The following MAGI3 variants were observed in gnomAD, a reference collection of about 807,000 sequenced individuals.
MAGI3 encodes the protein membrane associated guanylate kinase, WW and PDZ domain containing 3.
Under a neutral mutation model 121.8 loss-of-function variants are expected in MAGI3, and 43 were observed. The ratio of observed to expected loss-of-function variants is 0.35; its 90% confidence interval spans 0.28 to 0.46. MAGI3 has a LOEUF of 0.46. Among genes scored for constraint, MAGI3 ranks in the 20% least tolerant of loss-of-function variants. The probability of loss-of-function intolerance (pLI) is 1.00; values close to 1 mark genes in which losing one functional copy is unlikely to be tolerated. For missense variants in MAGI3, 1,547 were observed against 1,797.3 expected, an observed-to-expected ratio of 0.86 and a Z score of 2.52; for synonymous variants, 553 against 639.3, an observed-to-expected ratio of 0.86 and a Z score of 2.04.
Position 113,682,986 on chromosome 1 carries a change from TTTGAAGAGTCTCACGTGCCAGTAA to T in MAGI3, c.3426_3449del (p.His1144_Ser1151del). ...CCCATCTTCACATTTTGCTTCCATA[TTTGAAGAGTCTCACGTGCCAGTAA>T]TTGAAGAATCTTTGAGAGTTCAGAT... is the stretch of plus-strand genomic sequence containing the variant. On this transcript the variant is annotated inframe_deletion, in exon 21 of 21. Transcript: ENST00000307546. The T allele has an allele frequency of 6.2e-7, 1 of 1,613,928 alleles. No homozygotes were observed. Among genetic ancestry groups the T allele is most frequent in the Non-Finnish European group, 8.5e-7 (1 of 1,179,860 alleles).
intron 1 of MAGI3, among the ~76,000 whole-genome samples, chr1:113,392,931 T>TTCTCC (rs1650905344): frequency 6.6e-6 from 1 of 152,234 alleles, no homozygotes; most frequent in Non-Finnish European, 1.5e-5. Flanking sequence ...CATGAGTTAG[T>TTCTCC]GAATAGTGAG....
At chr1:113,520,412 G>T (rs1464386999) in intron 1 of MAGI3, among the ~76,000 whole-genome samples, 1 of 151,994 alleles carries the variant, frequency 6.6e-6, no homozygotes, top group African/African-American at 2.4e-5. Context: ...AAGATGACAG[G>T]AATGTAAATA....
At chr1:113,681,821 C>T in intron 20 of MAGI3, among the ~76,000 whole-genome samples, 1 of 152,224 alleles carries the variant, frequency 6.6e-6, no homozygotes, top group Admixed American at 6.5e-5. Flanking sequence ...ATCACCCTAC[C>T]TGGAGACAGG....
intron 1 of MAGI3, among the ~76,000 whole-genome samples, chr1:113,457,597 T>C (rs931275760): frequency 3.3e-5 from 5 of 152,086 alleles, no homozygotes; most frequent in Non-Finnish European, 5.9e-5. Flanking sequence ...ACCTTTTAAG[T>C]GCTAGTTCCT....
intron 6 of MAGI3, among the ~76,000 whole-genome samples, chr1:113,601,967 C>G (rs1212318572): frequency 6.6e-6 from 1 of 151,354 alleles, no homozygotes; most frequent in Non-Finnish European, 1.5e-5. Context: ...TAAACTATCG[C>G]AAGAACAAAA....
intron 1 of MAGI3, among the ~76,000 whole-genome samples, chr1:113,398,569 G>A (rs1471209190): frequency 1.3e-5 from 2 of 152,026 alleles, no homozygotes; most frequent in African/African-American, 4.8e-5. Flanking sequence ...GGCTTCAGGG[G>A]AGTTTGTGAG....
intron 8 of MAGI3, among the ~76,000 whole-genome samples, chr1:113,622,317 CTAA>C (rs1650877703): frequency 6.8e-6 from 1 of 146,438 alleles, no homozygotes; most frequent in Non-Finnish European, 1.5e-5. Flanking sequence ...CATCTAACCC[CTAA>C]TAATGGGCAT....
intron 2 of MAGI3, among the ~76,000 whole-genome samples, chr1:113,567,228 G>A (rs1300192019): frequency 1.3e-5 from 2 of 151,722 alleles, no homozygotes; most frequent in African/African-American, 4.8e-5. Flanking sequence ...TACCAAGACT[G>A]AATCATAAAG....
At chr1:113,656,924 A>T (rs1431265639) in intron 15 of MAGI3, among the ~76,000 whole-genome samples, 1 of 152,190 alleles carries the variant, frequency 6.6e-6, no homozygotes, top group Non-Finnish European at 1.5e-5. Flanking sequence ...TCTATTTAAG[A>T]TTAAGAAGAC....
At chr1:113,472,750 GT>G (rs1655604961) in intron 1 of MAGI3, among the ~76,000 whole-genome samples, 1 of 151,696 alleles carries the variant, frequency 6.6e-6, no homozygotes, top group Non-Finnish European at 1.5e-5. Context: ...GTGTGTGTGT[GT>G]GTGTGTGTAT....
chr1:113,638,779 T>C (rs886069547), intron 9 of MAGI3, among the ~76,000 whole-genome samples: 1 of 152,214 alleles, frequency 6.6e-6, no homozygotes, highest in Non-Finnish European at 1.5e-5. Flanking sequence ...GACAGGGACA[T>C]TTAAGTCTGC....
intron 1 of MAGI3, among the ~76,000 whole-genome samples, chr1:113,470,977 CA>C (rs1230699133): frequency 1.3e-4 from 20 of 152,058 alleles, no homozygotes; most frequent in Admixed American, 1.3e-3. Context: ...GCATCATATC[CA>C]AAAAACTCAT....
chr1:113,682,291 TAA>T, intron 20 of MAGI3: 1 of 1,596,470 alleles, frequency 6.3e-7, no homozygotes, highest in South Asian at 1.2e-5. Flanking sequence ...GGTCTTTCCT[TAA>T]AAAGACTTGG....
At chr1:113,524,971 TAGTG>T (rs936294315) in intron 1 of MAGI3, among the ~76,000 whole-genome samples, 12 of 152,286 alleles carry the variant, frequency 7.9e-5, no homozygotes, top group African/African-American at 2.4e-4. Context: ...ATTTTCATGA[TAGTG>T]AGTAAGTCTT....
At chr1:113,671,474 T>A (rs1403778398) in intron 16 of MAGI3, among the ~76,000 whole-genome samples, 6 of 152,186 alleles carry the variant, frequency 3.9e-5, no homozygotes, top group Non-Finnish European at 8.8e-5. Context: ...TTTTATGTTA[T>A]ATGGATGACT....
intron 1 of MAGI3, among the ~76,000 whole-genome samples, chr1:113,548,390 C>G (rs1659631723): frequency 6.6e-6 from 1 of 152,134 alleles, no homozygotes; most frequent in Admixed American, 6.5e-5. Flanking sequence ...CCTTATATCT[C>G]TCTATTTATT....
intron 16 of MAGI3, among the ~76,000 whole-genome samples, chr1:113,662,738 ATTTATT>A (rs1223224431): frequency 6.6e-6 from 1 of 151,968 alleles, no homozygotes; most frequent in African/African-American, 2.4e-5. Flanking sequence ...GTGTGTTGGC[ATTTATT>A]TTTGAGTTAC....
In MAGI3 at chr1:113,480,868, C is replaced by T. The variant is rs182778336; in HGVS notation, c.317-68647C>T. Among the ~76,000 whole-genome samples, 177 of 152,256 alleles carry T rather than the reference C, an allele frequency of 1.2e-3. 1 individual carries two copies. Among genetic ancestry groups the T allele is most frequent in the Non-Finnish European group, 2.0e-3 (137 of 68,024 alleles). On this transcript the variant is annotated intron_variant, in intron 1 of 20. Transcript: ENST00000307546. ...GGCACTCTAGTGTGACTTTTGAATCCGCCAGTAGGAAACCTTTTATCATCC... is the reference window on the plus strand; with the variant it reads ...GGCACTCTAGTGTGACTTTTGAATCTGCCAGTAGGAAACCTTTTATCATCC...
At chr1:113,617,175 T>C (rs1440250964) in intron 7 of MAGI3, among the ~76,000 whole-genome samples, 2 of 152,164 alleles carry the variant, frequency 1.3e-5, no homozygotes, top group African/African-American at 2.4e-5. Flanking sequence ...AGGCGTGAGC[T>C]ACCATGCCCA....
Sources: allele counts gnomAD v4.1 joint callset (sites outside exome capture counted in the v4.1 genomes callset), GRCh38; gene constraint gnomAD v4.1.1; transcripts MANE v1.5; gene names NCBI Gene and HGNC (gene_info 2026-07-23, HGNC 2026-07-21).